Variants in EYS observed in about 807,000 individuals in gnomAD.
EYS encodes EGF-like photoreceptor maintenance factor, also known as protein eyes shut homolog.
In EYS, 250 loss-of-function variants were observed where a neutral mutation model predicts 282.1. That is an observed-to-expected ratio of 0.89 (90% confidence interval 0.80 to 0.98). The LOEUF (loss-of-function observed/expected upper bound fraction) is 0.98. Among genes scored for constraint, EYS ranks in the 50% least tolerant of loss-of-function variants. EYS has a pLI of 0.00. For missense variants in EYS, 4,016 were observed against 3,709.0 expected (o/e 1.08, Z -2.15); for synonymous variants, 1,355 against 1,282.9 (o/e 1.06, Z -1.20).
At position 64,295,490 on chromosome 6, in the gene EYS, G is replaced by GAAGAAGA. The variant is rs1182999291; in HGVS notation, c.6191+11473_6191+11479dup. Among the ~76,000 whole-genome samples the GAAGAAGA allele has an allele frequency of 2.7e-3, 76 of 28,156 alleles. 16 individuals carry two copies. The highest frequency in any genetic ancestry group is 0.013 in the Admixed American group (29 of 2,298). 18.5% of individuals were successfully genotyped at this position (28,156 alleles called of 152,430 possible). On this transcript the variant is annotated intron_variant, in intron 30 of 42. Coordinates refer to ENST00000503581, the MANE Select transcript of EYS (RefSeq NM_001142800.2). ...AGAAGAAGAAGAAGAAGAAGAAGAA[G>GAAGAAGA]AAGAAGAAAGAAGAAAGAAGAAAGA...
At chr6:64,761,886 TA>T (rs1773172293) in intron 22 of EYS, among the ~76,000 whole-genome samples, 1 of 152,204 alleles carries the variant, frequency 6.6e-6, no homozygotes, top group Non-Finnish European at 1.5e-5. Flanking sequence ...TATGAACACA[TA>T]AAAATTACCT....
intron 33 of EYS, among the ~76,000 whole-genome samples, chr6:64,008,920 G>A (rs1238659224): frequency 6.6e-6 from 1 of 152,068 alleles, no homozygotes; most frequent in Non-Finnish European, 1.5e-5. Context: ...TTTCAACCTT[G>A]GAGAATCTGA....
intron 31 of EYS, among the ~76,000 whole-genome samples, chr6:64,097,550 G>T (rs1772671897): frequency 6.6e-6 from 1 of 152,190 alleles, no homozygotes; most frequent in African/African-American, 2.4e-5. Context: ...GACCCTGCAA[G>T]CCAAGCATGG....
chr6:65,011,259 C>CGGG, intron 13 of EYS, among the ~76,000 whole-genome samples: 1 of 152,238 alleles, frequency 6.6e-6, no homozygotes, highest in Non-Finnish European at 1.5e-5. Context: ...TTTACTGGAC[C>CGGG]GGGCCTTTTC....
chr6:65,599,192 G>A (rs1244722321), intron 2 of EYS, among the ~76,000 whole-genome samples: 3 of 151,900 alleles, frequency 2.0e-5, no homozygotes, highest in African/African-American at 4.8e-5. Flanking sequence ...TGTGAATGAG[G>A]AACCCACCTA....
At chr6:63,849,174 G>T (rs1454667756) in intron 36 of EYS, among the ~76,000 whole-genome samples, 4 of 152,174 alleles carry the variant, frequency 2.6e-5, no homozygotes, top group Non-Finnish European at 2.9e-5. Context: ...TGAAAGAAAG[G>T]CAGCAGCCCC....
chr6:64,558,032 G>T (rs1009608165), intron 26 of EYS, among the ~76,000 whole-genome samples: 1 of 152,070 alleles, frequency 6.6e-6, no homozygotes, highest in Admixed American at 6.6e-5. Flanking sequence ...AAAGAGAAAG[G>T]TGCCCTTTCT....
chr6:65,409,428 C>T (rs769487375), intron 5 of EYS, among the ~76,000 whole-genome samples: 20 of 152,128 alleles, frequency 1.3e-4, no homozygotes, highest in Admixed American at 2.6e-4. Context: ...GACATTAAAA[C>T]GTAACTGCAG....
chr6:63,794,145 G>A (rs1288355808), intron 37 of EYS, among the ~76,000 whole-genome samples: 1 of 152,202 alleles, frequency 6.6e-6, no homozygotes, highest in Non-Finnish European at 1.5e-5. Context: ...TATCTCTTCA[G>A]ATTATTCTAA....
chr6:65,012,810 C>CAAAAAAAAAAAAAA (rs3033918), intron 13 of EYS, among the ~76,000 whole-genome samples: 1 of 117,668 alleles, frequency 8.5e-6, no homozygotes, highest in African/African-American at 3.0e-5. Context: ...CCAAGTACAG[C>CAAAAAAAAAAAAAA]AAAAAAAAAA....
chr6:63,743,449 G>T (rs1375653690), intron 41 of EYS, among the ~76,000 whole-genome samples: 2 of 152,158 alleles, frequency 1.3e-5, no homozygotes, highest in Non-Finnish European at 2.9e-5. Context: ...GGCATGTCTG[G>T]TAGAATGGTG....
At chr6:64,403,465 T>C (rs1205929961) in intron 28 of EYS, among the ~76,000 whole-genome samples, 1 of 152,054 alleles carries the variant, frequency 6.6e-6, no homozygotes. Flanking sequence ...CAAGCAATTC[T>C]CCTGCCTCAG....
intron 30 of EYS, among the ~76,000 whole-genome samples, chr6:64,274,678 A>C (rs1768054782): frequency 6.6e-6 from 1 of 151,958 alleles, no homozygotes; most frequent in Admixed American, 6.6e-5. Flanking sequence ...CATTCTATTT[A>C]AAGCCTTAAT....
intron 22 of EYS, among the ~76,000 whole-genome samples, chr6:64,686,303 A>T (rs138353654): frequency 1.4e-4 from 22 of 152,178 alleles, no homozygotes; most frequent in African/African-American, 5.3e-4. Context: ...ATTTCTAATA[A>T]GAGAAATCTT....
intron 26 of EYS, among the ~76,000 whole-genome samples, chr6:64,490,647 CA>C (rs1776708750): frequency 6.6e-6 from 1 of 150,502 alleles, no homozygotes; most frequent in Non-Finnish European, 1.5e-5. Context: ...CAACGCAGTG[CA>C]ATAAAATGTG....
At chr6:64,017,662 TCTTTAC>T (rs1241090576) in intron 33 of EYS, among the ~76,000 whole-genome samples, 3 of 152,184 alleles carry the variant, frequency 2.0e-5, no homozygotes, top group Admixed American at 2.0e-4. Context: ...AAACCATTTT[TCTTTAC>T]CTGCTGTCTG....
chr6:64,392,311 A>C (rs1362728403), intron 28 of EYS, among the ~76,000 whole-genome samples: 2 of 149,264 alleles, frequency 1.3e-5, no homozygotes, highest in Non-Finnish European at 3.0e-5. Flanking sequence ...ACCCCAAATC[A>C]ACAGAATATA....
chr6:64,464,419 G>A (rs959375669), intron 26 of EYS, among the ~76,000 whole-genome samples: 28 of 151,966 alleles, frequency 1.8e-4, no homozygotes, highest in African/African-American at 5.8e-4. Flanking sequence ...TACATTTAAC[G>A]TAATCCTGGA....
chr6:64,220,183 T>A (rs925138030), intron 31 of EYS, among the ~76,000 whole-genome samples: 3 of 151,962 alleles, frequency 2.0e-5, no homozygotes, highest in Non-Finnish European at 2.9e-5. Flanking sequence ...AAGTAAAAAA[T>A]TTTAATAGAA....
Sources: gnomAD v4.1 joint callset for allele counts (sites outside exome capture counted in the v4.1 genomes callset) on GRCh38, gnomAD v4.1.1 for gene constraint, MANE v1.5 for transcripts, NCBI Gene and HGNC (gene_info 2026-07-23, HGNC 2026-07-21) for gene names.